Variants in SYNPR observed in about 807,000 individuals in gnomAD.
The protein encoded by SYNPR is synaptoporin.
In SYNPR, 23 loss-of-function variants were observed where a neutral mutation model predicts 32.9. That is an observed-to-expected ratio of 0.70 (90% confidence interval 0.50 to 0.99). The LOEUF (loss-of-function observed/expected upper bound fraction) is 0.99, where lower values mean the gene tolerates loss of function less well. Among genes scored for constraint, SYNPR ranks in the 50% least tolerant of loss-of-function variants. SYNPR has a pLI of 0.00. For missense variants in SYNPR, 318 were observed against 349.3 expected, an observed-to-expected ratio of 0.91 and a Z score of 0.71; for synonymous variants, 146 against 135.9, an observed-to-expected ratio of 1.07 and a Z score of -0.52.
intron 3 of SYNPR, among the ~76,000 whole-genome samples, chr3:63,540,930 A>AACACACACACACAC (rs58295090): frequency 9.3e-4 from 114 of 122,794 alleles, no homozygotes; most frequent in African/African-American, 2.2e-3. Flanking sequence ...TCCCCCCCCC[A>AACACACACACACAC]ACACACACAC....
At chr3:63,390,801 C>T (rs1231541728) in intron 2 of SYNPR, among the ~76,000 whole-genome samples, 2 of 152,192 alleles carry the variant, frequency 1.3e-5, no homozygotes, top group Non-Finnish European at 2.9e-5. Context: ...GGCTACTCAG[C>T]CAAGGCCTCC....
chr3:63,570,155 A>G (rs1401587394), intron 4 of SYNPR, among the ~76,000 whole-genome samples: 1 of 152,196 alleles, frequency 6.6e-6, no homozygotes, highest in Non-Finnish European at 1.5e-5. Context: ...TAGAAGGCTG[A>G]TTCTGGGCTT....
At chr3:63,332,031 T>C (rs7621411) in intron 2 of SYNPR, among the ~76,000 whole-genome samples, 2,223 of 152,310 alleles carry the variant, frequency 0.015, 42 homozygotes, top group African/African-American at 0.05. Flanking sequence ...TGAGGGGCAA[T>C]GCTTCCATCT....
intron 3 of SYNPR, among the ~76,000 whole-genome samples, chr3:63,490,154 A>G (rs1701232610): frequency 6.6e-6 from 1 of 152,144 alleles, no homozygotes; most frequent in African/African-American, 2.4e-5. Flanking sequence ...AGCCTCAAAG[A>G]TGTCTGAGGG....
intron 3 of SYNPR, among the ~76,000 whole-genome samples, chr3:63,530,064 T>C (rs6766087): frequency 0.23 from 35,645 of 151,966 alleles, 4,307 homozygotes; most frequent in East Asian, 0.32. Context: ...CTGACCCCCA[T>C]GCCTGTGAGG....
intron 2 of SYNPR, among the ~76,000 whole-genome samples, chr3:63,407,181 A>G (rs554074280): frequency 9.6e-4 from 146 of 152,326 alleles, no homozygotes; most frequent in African/African-American, 3.4e-3. Flanking sequence ...AAATCACATA[A>G]GCAGTTTAGG....
intron 3 of SYNPR, among the ~76,000 whole-genome samples, chr3:63,537,497 G>C (rs1702230869): frequency 6.6e-6 from 1 of 152,096 alleles, no homozygotes; most frequent in African/African-American, 2.4e-5. Context: ...TTATGTGTCA[G>C]TCTTTCATTA....
At position 63,607,528 on chromosome 3, in the gene SYNPR, C is replaced by T. The variant is rs545363999; in HGVS notation, c.409-1597C>T. Among the ~76,000 whole-genome samples, 16 of 152,080 alleles carry T rather than the reference C, an allele frequency of 1.1e-4. No homozygotes were observed. The Middle Eastern group carries it at 0.01, about 97-fold the overall frequency. On this transcript the variant is annotated intron_variant, in intron 4 of 5. Transcript: ENST00000478300. The stretch of plus-strand genomic sequence containing the variant: ...AAGGCTCATAAGGACATTTAAAAAC[C>T]AAGGTGTAATTGAATGAAAATGAAA...
intron 2 of SYNPR, among the ~76,000 whole-genome samples, chr3:63,411,532 C>A (rs2078515): frequency 0.58 from 88,369 of 151,964 alleles, 27,272 homozygotes; most frequent in African/African-American, 0.81. Context: ...AAGTTATATA[C>A]ACATAACGAC....
intron 2 of SYNPR, among the ~76,000 whole-genome samples, chr3:63,385,312 G>A (rs1007605640): frequency 3.9e-5 from 6 of 152,112 alleles, no homozygotes; most frequent in South Asian, 2.1e-4. Flanking sequence ...CAAGTGTTAC[G>A]GAGGTATTAA....
chr3:63,434,639 C>T (rs1700048369), intron 2 of SYNPR, among the ~76,000 whole-genome samples: 1 of 152,208 alleles, frequency 6.6e-6, no homozygotes, highest in Non-Finnish European at 1.5e-5. Context: ...CTCAGGGATT[C>T]TTTCTGATAT....
chr3:63,465,905 G>A (rs1700669374), intron 2 of SYNPR, among the ~76,000 whole-genome samples: 1 of 151,100 alleles, frequency 6.6e-6, no homozygotes, highest in Non-Finnish European at 1.5e-5. Flanking sequence ...AGACCTTTTT[G>A]GTTTTTTAAC....
At chr3:63,597,895 G>C (rs914785877) in intron 4 of SYNPR, among the ~76,000 whole-genome samples, 2 of 152,154 alleles carry the variant, frequency 1.3e-5, no homozygotes, top group Non-Finnish European at 2.9e-5. Context: ...TCCCTTCCAA[G>C]ACAAGTCCAA....
chr3:63,255,293 G>T lies in SYNPR; in HGVS notation n.154+2707G>T, dbSNP rs1306194317. Among the ~76,000 whole-genome samples the T allele has an allele frequency of 6.6e-5, 10 of 152,030 alleles. No individual in the cohort carries two copies. In the East Asian group the frequency reaches 1.9e-3, roughly 29 times the overall value. The stretch of plus-strand genomic sequence containing the variant: ...CTGTCAAAAAACTTGAAAATTTCCA[G>T]CTTTCAACCCTGCCACAACACTCTG... On this transcript the variant is annotated intron_variant and non_coding_transcript_variant, in intron 2 of 4. Coordinates refer to the SYNPR transcript ENST00000478456.
chr3:63,576,519 C>T (rs963546489), intron 4 of SYNPR, among the ~76,000 whole-genome samples: 4 of 152,014 alleles, frequency 2.6e-5, no homozygotes, highest in Admixed American at 1.3e-4. Flanking sequence ...GGGCTGGGCG[C>T]GGTGACTCAC....
chr3:63,554,172 T>C (rs1702556028), intron 3 of SYNPR, among the ~76,000 whole-genome samples: 1 of 152,268 alleles, frequency 6.6e-6, no homozygotes, highest in African/African-American at 2.4e-5. Context: ...TCTCCCGTCC[T>C]GTAGGTCTTT....
intron 3 of SYNPR, among the ~76,000 whole-genome samples, chr3:63,494,105 T>A (rs188610694): frequency 6.6e-5 from 10 of 151,868 alleles, no homozygotes; most frequent in African/African-American, 1.4e-4. Context: ...CAATAAAAAA[T>A]TTTTAGGTAC....
intron 2 of SYNPR, among the ~76,000 whole-genome samples, chr3:63,262,785 C>T (rs1299785683): frequency 6.6e-6 from 1 of 152,184 alleles, no homozygotes; most frequent in Non-Finnish European, 1.5e-5. Context: ...ACAAGGTTCA[C>T]TACAAATGAT....
At chr3:63,304,771 CTTTT>C (rs5849546) in intron 2 of SYNPR, among the ~76,000 whole-genome samples, 42,966 of 151,258 alleles carry the variant, frequency 0.28, 7,328 homozygotes, top group Non-Finnish European at 0.39. Flanking sequence ...AATTTCTGTT[CTTTT>C]ATTTGATTAA....
Sources: gnomAD v4.1 joint callset for allele counts (sites outside exome capture counted in the v4.1 genomes callset) on GRCh38, gnomAD v4.1.1 for gene constraint, MANE v1.5 for transcripts, NCBI Gene and HGNC (gene_info 2026-07-23, HGNC 2026-07-21) for gene names.